GSE1: variants seen among roughly 807,000 people sequenced by gnomAD.
GSE1 encodes Gse1 coiled-coil protein.
Under a neutral mutation model 112.6 loss-of-function variants are expected in GSE1, and 32 were observed. That is an observed-to-expected ratio of 0.28 (90% CI 0.21 to 0.38). GSE1 has a LOEUF of 0.38. Ranked by LOEUF, GSE1 falls within the 10% of genes least tolerant of loss-of-function variation. GSE1 has a pLI of 1.00. For synonymous variants in GSE1, 1,115 were observed against 735.6 expected, an observed-to-expected ratio of 1.52 and a Z score of -8.35; for missense variants, 2,348 against 1,699.2, an observed-to-expected ratio of 1.38 and a Z score of -6.71.
At chr16:85,203,275 G>T (rs1431143935) in intron 1 of GSE1, among the ~76,000 whole-genome samples, 3 of 152,162 alleles carry the variant, frequency 2.0e-5, no homozygotes, top group African/African-American at 7.2e-5. Flanking sequence ...CAACAGCTTC[G>T]CAGGGCATAG....
chr16:85,490,972 G>GA (rs1298983311), intron 2 of GSE1: 2 of 152,128 alleles, frequency 1.3e-5, no homozygotes, highest in African/African-American at 4.8e-5. Context: ...GCGGCCCCGG[G>GA]AGCCTCCCCA....
chr16:85,466,063 G>A (rs1006490662), intron 2 of GSE1, among the ~76,000 whole-genome samples: 1 of 152,196 alleles, frequency 6.6e-6, no homozygotes. Context: ...TTTCCTTTGG[G>A]GCCCAGAGGG....
intron 1 of GSE1, among the ~76,000 whole-genome samples, chr16:85,604,857 G>T (rs1400015433): frequency 5.3e-5 from 2 of 37,784 alleles, no homozygotes; most frequent in African/African-American, 2.7e-4. Context: ...TCGCTCTGTC[G>T]CCCAGGCTGG....
intron 1 of GSE1, among the ~76,000 whole-genome samples, chr16:85,236,821 C>T (rs558365234): frequency 6.6e-6 from 1 of 152,174 alleles, no homozygotes; most frequent in South Asian, 2.1e-4. Context: ...CTCCCCTGTA[C>T]CTACAAGGCC....
intron 1 of GSE1, among the ~76,000 whole-genome samples, chr16:85,217,739 T>C (rs1254998028): frequency 3.3e-5 from 5 of 152,146 alleles, no homozygotes; most frequent in African/African-American, 1.2e-4. Flanking sequence ...CGGACTTTCC[T>C]AAGCCCTCCT....
upstream of GSE1, among the ~76,000 whole-genome samples, chr16:85,552,933 G>A (rs1267036357): frequency 6.6e-6 from 1 of 152,270 alleles, no homozygotes; most frequent in African/African-American, 2.4e-5. Flanking sequence ...AGCATATACA[G>A]TGGAGGAAGG....
chr16:85,319,905 A>G (rs2046066123), intron 1 of GSE1, among the ~76,000 whole-genome samples: 2 of 152,192 alleles, frequency 1.3e-5, no homozygotes, highest in South Asian at 2.1e-4. Context: ...AAGGTGCTCA[A>G]TAAATGCTTG....
At chr16:85,218,858 T>C (rs767688802) in intron 1 of GSE1, among the ~76,000 whole-genome samples, 2 of 152,226 alleles carry the variant, frequency 1.3e-5, no homozygotes, top group Non-Finnish European at 2.9e-5. Flanking sequence ...ATGTCCTTCC[T>C]ATGTATTCTG....
intron 1 of GSE1, among the ~76,000 whole-genome samples, chr16:85,259,172 C>T (rs1028710835): frequency 5.9e-5 from 9 of 152,132 alleles, no homozygotes; most frequent in Admixed American, 5.9e-4. Flanking sequence ...ATCATGTCAC[C>T]AGGGGCGGGG....
At chr16:85,517,735 C>T (rs986917904) in intron 2 of GSE1, among the ~76,000 whole-genome samples, 22 of 152,362 alleles carry the variant, frequency 1.4e-4, no homozygotes, top group African/African-American at 4.6e-4. Context: ...TTCTGGTCTT[C>T]GGAGAGTGAC....
chr16:85,367,082 G>T (rs2047200668), intron 2 of GSE1, among the ~76,000 whole-genome samples: 2 of 152,224 alleles, frequency 1.3e-5, no homozygotes. Context: ...CTCACCCACT[G>T]TTCTTCATTC....
At chr16:85,565,394 C>G (rs981985533) in intron 1 of GSE1, among the ~76,000 whole-genome samples, 3 of 119,450 alleles carry the variant, frequency 2.5e-5, no homozygotes, top group Admixed American at 8.4e-5. Flanking sequence ...GACTCTGTCT[C>G]AAAAAAAAAA....
At chr16:85,359,889 C>G (rs1473637320) in intron 2 of GSE1, among the ~76,000 whole-genome samples, 2 of 152,134 alleles carry the variant, frequency 1.3e-5, no homozygotes, top group African/African-American at 4.8e-5. Flanking sequence ...CAAAAATTAG[C>G]CGGGCATGGT....
At chr16:85,512,048 G>T (rs2051764652) in intron 2 of GSE1, among the ~76,000 whole-genome samples, 5 of 152,204 alleles carry the variant, frequency 3.3e-5, no homozygotes, top group Admixed American at 3.3e-4. Context: ...GTGTTGTGAG[G>T]GTCCGGGGGC....
chr16:85,661,834 C>T, intron 9 of GSE1, 69 bp downstream of exon 9: 2 of 1,380,908 alleles, frequency 1.4e-6, no homozygotes, highest in Non-Finnish European at 1.9e-6. Context: ...GCCTGCATGC[C>T]AGCCACCTGC....
chr16:85,517,370 A>C (rs2051985782), intron 2 of GSE1, among the ~76,000 whole-genome samples: 1 of 152,168 alleles, frequency 6.6e-6, no homozygotes, highest in African/African-American at 2.4e-5. Context: ...GAAATGGGGC[A>C]ATAGAGCTGC....
chr16:85,465,488 T>C (rs1437745908), intron 2 of GSE1, among the ~76,000 whole-genome samples: 1 of 152,246 alleles, frequency 6.6e-6, no homozygotes, highest in Non-Finnish European at 1.5e-5. Context: ...AGGACTGCCC[T>C]GCTAGGGGTA....
chr16:85,407,936 C>T (rs1410832223), intron 2 of GSE1, among the ~76,000 whole-genome samples: 7 of 57,850 alleles, frequency 1.2e-4, no homozygotes, highest in South Asian at 8.0e-4. Flanking sequence ...CTCAGGCCCC[C>T]CTGGATAATC....
chr16:85,495,592 G>A (rs2051149435), intron 2 of GSE1, among the ~76,000 whole-genome samples: 2 of 152,070 alleles, frequency 1.3e-5, no homozygotes, highest in South Asian at 2.1e-4. Context: ...TACCTCCAGG[G>A]TTCAAGCAAT....
Sources: allele counts gnomAD v4.1 joint callset (sites outside exome capture counted in the v4.1 genomes callset), GRCh38; gene constraint gnomAD v4.1.1; transcripts MANE v1.5; gene names NCBI Gene and HGNC (gene_info 2026-07-23, HGNC 2026-07-21).